The following MYO6 variants were observed in gnomAD, a reference collection of about 807,000 sequenced individuals.
MYO6 encodes the protein myosin VI.
A neutral mutation model predicts 178.7 loss-of-function variants in MYO6; 74 were observed. That is an observed-to-expected ratio of 0.41 (90% CI 0.34 to 0.50). The LOEUF (loss-of-function observed/expected upper bound fraction) is 0.50, where lower values mean the gene tolerates loss of function less well. Among genes scored for constraint, MYO6 ranks in the 20% least tolerant of loss-of-function variants. The probability of loss-of-function intolerance (pLI) is 0.09; values close to 1 mark genes in which losing one functional copy is unlikely to be tolerated. For synonymous variants in MYO6, 477 were observed against 504.6 expected (o/e 0.95, Z 0.73); for missense variants, 1,330 against 1,547.4 (o/e 0.86, Z 2.36).
At chr6:75,848,886 T>G (rs1053704082) in intron 11 of MYO6, among the ~76,000 whole-genome samples, 1 of 152,192 alleles carries the variant, frequency 6.6e-6, no homozygotes, top group African/African-American at 2.4e-5. Flanking sequence ...TATTAAGGCA[T>G]TTTTGAAAAT....
chr6:75,833,362 A>G (rs1416601016), intron 6 of MYO6, among the ~76,000 whole-genome samples: 1 of 152,220 alleles, frequency 6.6e-6, no homozygotes, highest in East Asian at 1.9e-4. Flanking sequence ...AGTGTATAGC[A>G]TAGTAGCATT....
intron 1 of MYO6, among the ~76,000 whole-genome samples, chr6:75,777,724 A>G (rs571517234): frequency 6.6e-6 from 1 of 152,180 alleles, no homozygotes; most frequent in Non-Finnish European, 1.5e-5. Context: ...GGCATAAACC[A>G]CTGCACCCAG....
At chr6:75,807,530 T>G (rs1242628876) in intron 1 of MYO6, among the ~76,000 whole-genome samples, 1 of 152,200 alleles carries the variant, frequency 6.6e-6, no homozygotes, top group African/African-American at 2.4e-5. Flanking sequence ...ATTTTCCTTT[T>G]TATCTTTTCC....
At chr6:75,765,103 GT>G (rs1201347038) in intron 1 of MYO6, among the ~76,000 whole-genome samples, 1 of 144,500 alleles carries the variant, frequency 6.9e-6, no homozygotes, top group Non-Finnish European at 1.5e-5. Flanking sequence ...CATTTTTCCT[GT>G]CAATATTGTG....
chr6:75,883,193 T>G (rs993385683), intron 23 of MYO6, among the ~76,000 whole-genome samples: 1 of 149,146 alleles, frequency 6.7e-6, no homozygotes, highest in African/African-American at 2.5e-5. Context: ...AATTTCTACA[T>G]AATTAAAAAA....
rs1781140768 is a variant in MYO6 at position 75,916,734 on chromosome 6, A to G, written c.*1722A>G. 6.6e-6 allele frequency: 1 copy of G among 152,282 alleles called. No homozygotes were observed. Among genetic ancestry groups the G allele is most frequent in the African/African-American group, 2.4e-5 (1 of 41,446 alleles). The allele number at this position is 152,282 out of a possible 1,614,324, so 9.4% of individuals were successfully genotyped here. A position where few individuals can be genotyped will look rare whatever the true frequency, so the allele number is the denominator to read the frequency against. On this transcript the variant is annotated 3_prime_UTR_variant, in exon 35 of 35. Coordinates refer to ENST00000369977, the MANE Select transcript of MYO6 (RefSeq NM_004999.4). The stretch of plus-strand genomic sequence containing the variant: ...AGTAGCCAAATTGTTTTTTAATGAC[A>G]TGTCTCTTTAGTACAATAGTTTTGT...
At chr6:75,851,847 T>A (rs1775299874) in intron 11 of MYO6, among the ~76,000 whole-genome samples, 1 of 152,010 alleles carries the variant, frequency 6.6e-6, no homozygotes, top group South Asian at 2.1e-4. Context: ...CAAAAAAATT[T>A]GGTATTTTTA....
At chr6:75,786,237 A>G (rs778600488) in intron 1 of MYO6, among the ~76,000 whole-genome samples, 50 of 152,060 alleles carry the variant, frequency 3.3e-4, no homozygotes, top group Non-Finnish European at 6.3e-4. Context: ...ATATATTTAT[A>G]TATATATAAA....
Position 75,841,241 on chromosome 6 carries a change from CATT to C in MYO6, c.682_684del (p.Tyr228del). ...CTCAGTTGTTGGAGGATTTGTTTCA[CATT>C]ATCTCCTAGAGAAATCTAGGATCTG... is the stretch of plus-strand genomic sequence containing the variant. On this transcript the variant is annotated inframe_deletion, in exon 9 of 35. Coordinates refer to ENST00000369977, the MANE Select transcript of MYO6 (RefSeq NM_004999.4). 6.2e-7 allele frequency: 1 copy of C among 1,613,888 alleles called. No homozygotes were observed. The highest frequency in any genetic ancestry group is 2.2e-5 in the East Asian group (1 of 44,868).
intron 11 of MYO6, among the ~76,000 whole-genome samples, chr6:75,849,763 A>G (rs751696989): frequency 7.9e-5 from 12 of 152,188 alleles, no homozygotes; most frequent in Non-Finnish European, 1.8e-4. Flanking sequence ...CAGAGCGAGA[A>G]ACAAAGGCAG....
chr6:75,820,782 A>C (rs1771789848), intron 2 of MYO6, among the ~76,000 whole-genome samples: 1 of 152,056 alleles, frequency 6.6e-6, no homozygotes, highest in Admixed American at 6.6e-5. Context: ...CCTCCCCCCC[A>C]TTCAGTAGAA....
intron 20 of MYO6, among the ~76,000 whole-genome samples, chr6:75,877,559 G>T (rs1017886564): frequency 1.3e-5 from 2 of 152,066 alleles, no homozygotes; most frequent in African/African-American, 4.8e-5. Flanking sequence ...GAGCCACCAT[G>T]CCCGGCCTAA....
intron 1 of MYO6, among the ~76,000 whole-genome samples, chr6:75,787,694 C>A (rs1767731429): frequency 4.3e-5 from 2 of 46,608 alleles, no homozygotes; most frequent in East Asian, 1.6e-3. Context: ...CTCTCTCTCT[C>A]TCTCTCTCTC....
chr6:75,766,887 G>A (rs1264694527), intron 1 of MYO6, among the ~76,000 whole-genome samples: 1 of 152,144 alleles, frequency 6.6e-6, no homozygotes, highest in Non-Finnish European at 1.5e-5. Context: ...TACATCATTA[G>A]TGGCATCACA....
chr6:75,830,634 C>G lies in MYO6; in HGVS notation c.391+89C>G, dbSNP rs962891556. ...TTTCTTTTGGATTAATAAAAGATAC[C>G]ATAAATTGAATATATATTTTGGAGA... On this transcript the variant is annotated intron_variant, in intron 5 of 34. Coordinates refer to ENST00000369977, the MANE Select transcript of MYO6 (RefSeq NM_004999.4). 14 of 1,258,632 alleles carry G rather than the reference C, an allele frequency of 1.1e-5. No individual in the cohort carries two copies. In the South Asian group the frequency reaches 1.6e-4, roughly 15 times the overall value. 78.0% of individuals were successfully genotyped at this position (1,258,632 alleles called of 1,614,324 possible).
chr6:75,816,974 C>G (rs1771318551), intron 1 of MYO6, among the ~76,000 whole-genome samples: 1 of 152,152 alleles, frequency 6.6e-6, no homozygotes, highest in African/African-American at 2.4e-5. Context: ...GCAGGTGTAC[C>G]TGAGGGTGGA....
At chr6:75,817,379 T>G in intron 1 of MYO6, 122 bp from the exon 2 acceptor site, 1 of 642,560 alleles carries the variant, frequency 1.6e-6, no homozygotes, top group South Asian at 1.7e-5. Context: ...GGATTTTATG[T>G]GGCATGGGCA....
At chr6:75,881,924 C>T (rs754535428) in intron 23 of MYO6, 106 bp downstream of exon 23, 3 of 1,288,250 alleles carry the variant, frequency 2.3e-6, no homozygotes, top group Admixed American at 3.4e-5. Flanking sequence ...GAGACTGAGA[C>T]TTGTTCACAC....
chr6:75,857,400 C>A, intron 13 of MYO6, 146 bp downstream of exon 13: 2 of 819,518 alleles, frequency 2.4e-6, no homozygotes, highest in Non-Finnish European at 3.9e-6. Context: ...ATAATATGAC[C>A]TAGATAGGGA....
Sources: gnomAD v4.1 joint callset for allele counts (sites outside exome capture counted in the v4.1 genomes callset) on GRCh38, gnomAD v4.1.1 for gene constraint, MANE v1.5 for transcripts, NCBI Gene and HGNC (gene_info 2026-07-23, HGNC 2026-07-21) for gene names.